SCML2: variants seen among roughly 807,000 people sequenced by gnomAD.
SCML2 encodes Scm polycomb group protein like 2.
Under a neutral mutation model 48.4 loss-of-function variants are expected in SCML2, and 6 were observed. The observed-to-expected ratio is 0.12, with a 90% CI of 0.07 to 0.24. The LOEUF (loss-of-function observed/expected upper bound fraction) is 0.24, where lower values mean the gene tolerates loss of function less well. Ranked by LOEUF, SCML2 falls within the 10% of genes least tolerant of loss-of-function variation. The pLI, the probability that SCML2 is intolerant of heterozygous loss-of-function variation, is 1.00. For synonymous variants in SCML2, 181 were observed against 189.5 expected (o/e 0.95, Z 0.37); for missense variants, 377 against 528.2 (o/e 0.71, Z 2.81).
chrX:18,269,982 T>C (rs1342884247), intron 7 of SCML2, among the ~76,000 whole-genome samples: 1 of 109,644 alleles, frequency 9.1e-6, no homozygotes, highest in African/African-American at 3.3e-5. Context: ...TTTTGATGTA[T>C]GGCATATATG....
At chrX:18,332,213 T>G (rs1929680995) in intron 2 of SCML2, among the ~76,000 whole-genome samples, 1 of 112,724 alleles carries the variant, frequency 8.9e-6, no homozygotes, top group Admixed American at 9.4e-5. Context: ...GAAATCACAA[T>G]CAGCACTTTA....
In SCML2 at chrX:18,239,890, G is replaced by A. The variant is rs1352647505; in HGVS notation, c.*1361C>T. On this transcript the variant is annotated 3_prime_UTR_variant, in exon 15 of 15. Coordinates refer to ENST00000251900, the MANE Select transcript of SCML2 (RefSeq NM_006089.3). ...TGCATTCCTGTAATCGCTGAGGCAG[G>A]AGAATTGCTTGAACCAGGGAGGCGA... 1 of 111,691 alleles carries A rather than the reference G, an allele frequency of 9.0e-6. No individual in the cohort carries two copies. The highest frequency in any genetic ancestry group is 9.6e-5 in the Admixed American group (1 of 10,419). 9.2% of individuals were successfully genotyped at this position (111,691 alleles called of 1,213,427 possible). A position where few individuals can be genotyped will look rare whatever the true frequency, so the allele number is the denominator to read the frequency against.
intron 7 of SCML2, among the ~76,000 whole-genome samples, chrX:18,274,970 C>T (rs752649922): frequency 1.4e-3 from 155 of 112,190 alleles, no homozygotes; most frequent in Non-Finnish European, 2.2e-3. Context: ...CATATCACAA[C>T]CCAGACATTT....
Position 18,246,759 on chromosome X carries a change from G to A in SCML2, c.1640C>T (p.Ser547Leu). Residue 547 changes from serine (S) to leucine (L), a missense_variant, in exon 13 of 15, where the codon TCA (serine) becomes TTA (leucine). Transcript: ENST00000251900. ...EENLSEDSKS[S>L]SLNSGNYLNP... ...CAAATAATTTCCTGAATTTAGTGAT[G>A]AGCTCTTAGAATCTTCTGAAAGATT... 1 of 1,203,969 alleles carries A rather than the reference G, an allele frequency of 8.3e-7. No homozygotes were observed. Among genetic ancestry groups the A allele is most frequent in the Non-Finnish European group, 1.1e-6 (1 of 888,762 alleles).
chrX:18,339,233 A>G (rs1001177148), intron 1 of SCML2, among the ~76,000 whole-genome samples: 2 of 112,160 alleles, frequency 1.8e-5, no homozygotes, highest in Non-Finnish European at 3.7e-5. Flanking sequence ...ATAAATGTAT[A>G]TATTTATAAC....
intron 1 of SCML2, among the ~76,000 whole-genome samples, chrX:18,335,939 A>G (rs995398220): frequency 5.4e-5 from 6 of 112,044 alleles, no homozygotes; most frequent in Non-Finnish European, 7.5e-5. Flanking sequence ...ATCTTCAAAA[A>G]GAACAAAGAT....
At chrX:18,297,660 A>C (rs1928440424) in intron 7 of SCML2, among the ~76,000 whole-genome samples, 1 of 111,446 alleles carries the variant, frequency 9.0e-6, no homozygotes, top group Non-Finnish European at 1.9e-5. Context: ...TAGCTGTAAA[A>C]GAAATTAAGA....
intron 9 of SCML2, among the ~76,000 whole-genome samples, chrX:18,258,677 A>G (rs1025389614): frequency 9.0e-6 from 1 of 111,062 alleles, no homozygotes; most frequent in Non-Finnish European, 1.9e-5. Flanking sequence ...GACTGAATTT[A>G]TTTTAAATCA....
At chrX:18,334,428 C>T (rs1929747386) in intron 1 of SCML2, among the ~76,000 whole-genome samples, 1 of 111,539 alleles carries the variant, frequency 9.0e-6, no homozygotes, top group Non-Finnish European at 1.9e-5. Flanking sequence ...CAAATTTTGA[C>T]TCAATTTTTA....
At chrX:18,342,148 C>T (rs1383377366) in intron 1 of SCML2, among the ~76,000 whole-genome samples, 2 of 111,807 alleles carry the variant, frequency 1.8e-5, no homozygotes, top group Non-Finnish European at 3.8e-5. Context: ...GAACCTGCTT[C>T]AGCATTATAA....
chrX:18,283,106 C>G (rs139715584), intron 7 of SCML2, among the ~76,000 whole-genome samples: 30 of 112,124 alleles, frequency 2.7e-4, no homozygotes, highest in Non-Finnish European at 1.5e-4. Flanking sequence ...TCACCACGAT[C>G]AAGCAGGCTT....
chrX:18,295,684 G>A (rs982763239), intron 7 of SCML2, among the ~76,000 whole-genome samples: 10 of 91,000 alleles, frequency 1.1e-4, no homozygotes, highest in Non-Finnish European at 1.6e-4. Context: ...AGATGACACC[G>A]GTGTCCATAT....
At chrX:18,301,193 T>C (rs1374550808) in intron 7 of SCML2, among the ~76,000 whole-genome samples, 1 of 110,529 alleles carries the variant, frequency 9.0e-6, no homozygotes, top group Admixed American at 9.6e-5. Flanking sequence ...AGGTCAGGAG[T>C]TCGAGACCAG....
intron 8 of SCML2, 98 bp downstream of exon 8, chrX:18,265,487 A>G: frequency 1.6e-6 from 1 of 618,070 alleles, no homozygotes; most frequent in Non-Finnish European, 2.6e-6. Flanking sequence ...ATTTCTAAAG[A>G]CCCTCATCAT....
chrX:18,298,759 G>A (rs1248270577), intron 7 of SCML2, among the ~76,000 whole-genome samples: 7 of 109,099 alleles, frequency 6.4e-5, no homozygotes, highest in Admixed American at 5.9e-4. Context: ...GGAGGCAGAG[G>A]TTGCAGTGCA....
At chrX:18,242,681 C>T in intron 13 of SCML2, 91 bp from the exon 14 acceptor site, 1 of 972,833 alleles carries the variant, frequency 1.0e-6, no homozygotes, top group Non-Finnish European at 1.4e-6. Context: ...GGTCTCATTC[C>T]TGGAACCTTT....
intron 1 of SCML2, among the ~76,000 whole-genome samples, chrX:18,347,400 G>A (rs2147571926): frequency 9.3e-6 from 1 of 107,972 alleles, no homozygotes; most frequent in African/African-American, 3.4e-5. Flanking sequence ...AGCCAAGATA[G>A]TGCCATTGCA....
Position 18,265,786 on chromosome X carries a change from A to T in SCML2, c.747T>A (p.Asn249Lys). Residue 249 changes from asparagine to lysine, a missense_variant, in exon 8 of 15, where the codon AAT (asparagine) becomes AAA (lysine). By Grantham distance (94) the Asn-to-Lys change is moderately conservative. Transcript: ENST00000251900. ...AAGGAGAAGACTCTGTTTTTGCTATATTCTTTACAATAGGAACTGAGGAAA... is the reference window on the plus strand; with the variant it reads ...AAGGAGAAGACTCTGTTTTTGCTATTTTCTTTACAATAGGAACTGAGGAAA... ...PPGTSVPIVK[N>K]IAKTESSPSE... 8.3e-7 allele frequency: 1 copy of T among 1,199,173 alleles called. No homozygotes were observed. Among genetic ancestry groups the T allele is most frequent in the Non-Finnish European group, 1.1e-6 (1 of 885,842 alleles).
intron 8 of SCML2, among the ~76,000 whole-genome samples, chrX:18,263,585 G>C (rs1253730424): frequency 1.8e-5 from 2 of 111,272 alleles, no homozygotes; most frequent in Non-Finnish European, 3.8e-5. Context: ...ATAGAAAAGA[G>C]TAATAAGGAA....
Sources: gnomAD v4.1 joint callset for allele counts (sites outside exome capture counted in the v4.1 genomes callset) on GRCh38, gnomAD v4.1.1 for gene constraint, MANE v1.5 for transcripts, NCBI Gene and HGNC (gene_info 2026-07-23, HGNC 2026-07-21) for gene names.